Variants in CIMAP2 observed in about 807,000 individuals in gnomAD.
The protein encoded by CIMAP2 is ciliary microtubule associated protein 2, also known as ciliary microtubule-associated protein 2.
the CIMAP2 span, chr1:54,806,942 G>A: frequency 1.9e-5 from 29 of 1,535,214 alleles, no homozygotes; most frequent in African/African-American, 1.8e-4. Context: ...AACTGCCCAC[G>A]CCAGGGCCAG....
At chr1:54,808,018 G>C in the CIMAP2 span, 3 of 1,551,074 alleles carry the variant, frequency 1.9e-6, no homozygotes, top group African/African-American at 1.4e-5. Flanking sequence ...TGGGGTAGGT[G>C]TTCTCATGTC....
the CIMAP2 span, among the ~76,000 whole-genome samples, chr1:54,831,600 C>T: frequency 6.6e-6 from 1 of 151,728 alleles, no homozygotes; most frequent in Admixed American, 6.6e-5. Flanking sequence ...GTGCAGTGAG[C>T]CAAGATTGCG....
chr1:54,829,730 C>T, the CIMAP2 span, among the ~76,000 whole-genome samples: 1 of 152,032 alleles, frequency 6.6e-6, no homozygotes, highest in Non-Finnish European at 1.5e-5. Flanking sequence ...TCTGAATGTT[C>T]CTTTGATAAC....
At chr1:54,817,913 G>GA in the CIMAP2 span, among the ~76,000 whole-genome samples, 1 of 152,204 alleles carries the variant, frequency 6.6e-6, no homozygotes, top group African/African-American at 2.4e-5. Flanking sequence ...GCTGAGGAAG[G>GA]AAAGATTTTT....
chr1:54,814,969 A>G, the CIMAP2 span: 1 of 1,614,044 alleles, frequency 6.2e-7, no homozygotes, highest in African/African-American at 1.3e-5. Flanking sequence ...AAACCCGTCA[A>G]CCAGCCCCCA....
chr1:54,837,321 C>T, the CIMAP2 span, among the ~76,000 whole-genome samples: 2 of 152,048 alleles, frequency 1.3e-5, no homozygotes, highest in Admixed American at 6.6e-5. Context: ...TGACATGGCC[C>T]GTTTGAGGCT....
the CIMAP2 span, among the ~76,000 whole-genome samples, chr1:54,830,035 C>T: frequency 2.6e-5 from 4 of 152,156 alleles, no homozygotes; most frequent in African/African-American, 7.2e-5. This position sits in a 1 kb window ranked among gnomAD's most constrained non-coding sequence, Gnocchi z 4.1. Flanking sequence ...CTCCACCACA[C>T]GATGATCAAG....
At chr1:54,819,856 C>T in the CIMAP2 span, among the ~76,000 whole-genome samples, 1 of 123,864 alleles carries the variant, frequency 8.1e-6, no homozygotes. Flanking sequence ...TTCTTTCCTT[C>T]CTTCCTTCCT....
chr1:54,810,158 T>G, the CIMAP2 span, among the ~76,000 whole-genome samples: 3,782 of 152,240 alleles, frequency 0.025, 195 homozygotes, highest in East Asian at 0.24. Flanking sequence ...ACCCTCATCT[T>G]CAAAGTCTCC....
chr1:54,840,529 GGT>G, the CIMAP2 span, among the ~76,000 whole-genome samples: 5 of 152,092 alleles, frequency 3.3e-5, no homozygotes, highest in Admixed American at 1.3e-4. Flanking sequence ...TCATTTGGTG[GGT>G]GTGTGTATAA....
At chr1:54,831,879 G>T in the CIMAP2 span, among the ~76,000 whole-genome samples, 1 of 151,956 alleles carries the variant, frequency 6.6e-6, no homozygotes, top group Non-Finnish European at 1.5e-5. Flanking sequence ...TTTGACACAG[G>T]GTTAGGCTAG....
the CIMAP2 span, among the ~76,000 whole-genome samples, chr1:54,837,074 CA>C: frequency 6.6e-6 from 1 of 152,074 alleles, no homozygotes; most frequent in Non-Finnish European, 1.5e-5. Flanking sequence ...AGGAAACCTT[CA>C]GGGGGTTATG....
At chr1:54,811,763 C>CCGCCG in the CIMAP2 span, 2 of 1,280,764 alleles carry the variant, frequency 1.6e-6, no homozygotes, top group Non-Finnish European at 2.2e-6. Context: ...GTGGTTCTGA[C>CCGCCG]AGCCTCCATG....
the CIMAP2 span, chr1:54,811,923 C>A: frequency 6.2e-7 from 1 of 1,614,030 alleles, no homozygotes. Context: ...ACACCCCCGG[C>A]CTCATCAGGT....
chr1:54,808,535 G>T, the CIMAP2 span, among the ~76,000 whole-genome samples: 1 of 151,316 alleles, frequency 6.6e-6, no homozygotes, highest in African/African-American at 2.4e-5. Context: ...AGGCGAGCGA[G>T]AGGGCAGAGG....
the CIMAP2 span, among the ~76,000 whole-genome samples, chr1:54,834,266 G>A: frequency 1.4e-4 from 22 of 152,126 alleles, no homozygotes; most frequent in Non-Finnish European, 3.2e-4. Context: ...AGTTCATACA[G>A]AACTTTTCTA....
chr1:54,840,270 C>T, the CIMAP2 span, among the ~76,000 whole-genome samples: 31 of 152,290 alleles, frequency 2.0e-4, no homozygotes, highest in African/African-American at 6.3e-4. Flanking sequence ...TCATGTTACA[C>T]GGTGGTCTTG....
chr1:54,806,958 A>G, the CIMAP2 span: 1 of 1,567,622 alleles, frequency 6.4e-7, no homozygotes, highest in South Asian at 1.1e-5. Context: ...GCCAGGTGCC[A>G]GGCACAGGGC....
At chr1:54,816,911 C>A in the CIMAP2 span, 1 of 1,559,912 alleles carries the variant, frequency 6.4e-7, no homozygotes, top group African/African-American at 1.4e-5. Context: ...AGGGAAGCGT[C>A]CAAGGGGAGG....
Sources: gnomAD v4.1 joint callset for allele counts (sites outside exome capture counted in the v4.1 genomes callset) on GRCh38, gnomAD v4.1.1 for gene constraint, Gnocchi (gnomAD v3.1) non-coding constraint, MANE v1.5 for transcripts, NCBI Gene and HGNC (gene_info 2026-07-23, HGNC 2026-07-21) for gene names.